Variants in NFIB observed in about 807,000 individuals in gnomAD.
NFIB encodes the protein nuclear factor 1 B-type.
Under a neutral mutation model 61.5 loss-of-function variants are expected in NFIB, and 11 were observed. That is an observed-to-expected ratio of 0.18 (90% CI 0.11 to 0.30). NFIB has a LOEUF of 0.30. NFIB is among the 10% of genes least tolerant of loss of function. The pLI, the probability that NFIB is intolerant of heterozygous loss-of-function variation, is 1.00. For missense variants in NFIB, 471 were observed against 608.9 expected (o/e 0.77, Z 2.38); for synonymous variants, 260 against 216.5 (o/e 1.20, Z -1.76).
chr9:14,294,134 T>A lies in NFIB; in HGVS notation c.562+12855A>T, dbSNP rs1176152718. ...GTTAGTACTAAGAAGTCATTCCAAA[T>A]GTTCCAAAAGGGATTAATGTAGTAT... On this transcript the variant is annotated intron_variant, in intron 2 of 10. Coordinates refer to ENST00000380953, the MANE Select transcript of NFIB (RefSeq NM_001190737.2). Among the ~76,000 whole-genome samples, 4 of 152,346 alleles carry A rather than the reference T, an allele frequency of 2.6e-5. No homozygotes were observed. The East Asian group carries it at 7.7e-4, about 29-fold the overall frequency.
the NFIB span, among the ~76,000 whole-genome samples, chr9:14,458,898 C>T: frequency 6.6e-6 from 1 of 151,796 alleles, no homozygotes. Context: ...ATATTCCATG[C>T]TCATGGATAG....
At chr9:14,434,115 A>C in the NFIB span, among the ~76,000 whole-genome samples, 1 of 152,242 alleles carries the variant, frequency 6.6e-6, no homozygotes, top group African/African-American at 2.4e-5. Flanking sequence ...CATTTTCTTA[A>C]TATTTGGAAA....
chr9:14,458,833 G>A, the NFIB span, among the ~76,000 whole-genome samples: 4 of 151,856 alleles, frequency 2.6e-5, no homozygotes, highest in South Asian at 8.4e-4. Flanking sequence ...CCTCTTCAAG[G>A]AGAACTACAA....
intron 2 of NFIB, among the ~76,000 whole-genome samples, chr9:14,270,288 C>T (rs1272819040): frequency 6.6e-6 from 1 of 152,056 alleles, no homozygotes; most frequent in Non-Finnish European, 1.5e-5. Flanking sequence ...TTCTTATTTA[C>T]CTGTGTTTTT....
intron 2 of NFIB, among the ~76,000 whole-genome samples, chr9:14,237,553 A>C (rs951145047): frequency 6.6e-6 from 1 of 152,148 alleles, no homozygotes; most frequent in Admixed American, 6.6e-5. Context: ...ATTACTACTC[A>C]TTATTAATCA....
At chr9:14,263,156 C>T (rs911797901) in intron 2 of NFIB, among the ~76,000 whole-genome samples, 3 of 152,010 alleles carry the variant, frequency 2.0e-5, no homozygotes, top group African/African-American at 7.3e-5. Flanking sequence ...TTGTCTTAAC[C>T]TATAACATGA....
At chr9:14,211,398 T>A (rs925867440) in intron 2 of NFIB, among the ~76,000 whole-genome samples, 1 of 152,160 alleles carries the variant, frequency 6.6e-6, no homozygotes, top group African/African-American at 2.4e-5. Flanking sequence ...AAACAGGATA[T>A]AGGGAATACA....
intron 1 of NFIB, among the ~76,000 whole-genome samples, chr9:14,380,271 C>T (rs984511164): frequency 6.6e-6 from 1 of 152,130 alleles, no homozygotes; most frequent in African/African-American, 2.4e-5. Context: ...CAAGGGAAAG[C>T]CAGTTCAACC....
At chr9:14,441,366 T>G in the NFIB span, among the ~76,000 whole-genome samples, 1 of 152,180 alleles carries the variant, frequency 6.6e-6, no homozygotes, top group South Asian at 2.1e-4. Context: ...TGCGCCGATT[T>G]TAATTGCATT....
chr9:14,250,900 C>T (rs2055532908), intron 2 of NFIB, among the ~76,000 whole-genome samples: 1 of 152,166 alleles, frequency 6.6e-6, no homozygotes, highest in South Asian at 2.1e-4. Context: ...CTCCTTTCTT[C>T]TAGAATACTC....
chr9:14,164,667 A>G (rs1482938482), intron 3 of NFIB, among the ~76,000 whole-genome samples: 2 of 152,166 alleles, frequency 1.3e-5, no homozygotes, highest in Non-Finnish European at 2.9e-5. Context: ...CAACTTTGAA[A>G]ACTTAAATGG....
Position 14,081,934 on chromosome 9 carries a change from T to C in NFIB, c.*6375A>G, listed in dbSNP as rs1286770459. 5.0e-6 allele frequency: 1 copy of C among 201,588 alleles called. No homozygotes were observed. The highest frequency in any genetic ancestry group is 7.6e-5 in the East Asian group (1 of 13,126). 12.5% of individuals were successfully genotyped at this position (201,588 alleles called of 1,614,324 possible). On this transcript the variant is annotated 3_prime_UTR_variant, in exon 11 of 11. Coordinates refer to ENST00000380953, the MANE Select transcript of NFIB (RefSeq NM_001190737.2). The stretch of plus-strand genomic sequence containing the variant: ...AGTAATTGACTGCAGTATGAGCAGC[T>C]GCTAGCAGTATAGGCTGGATATAAC...
the NFIB span, among the ~76,000 whole-genome samples, chr9:14,425,565 G>A: frequency 3.4e-5 from 5 of 148,876 alleles, no homozygotes; most frequent in Admixed American, 2.7e-4. Flanking sequence ...TTCTCTGCAT[G>A]TATGAATTTT....
intron 10 of NFIB, among the ~76,000 whole-genome samples, chr9:14,111,641 A>G (rs966179099): frequency 1.3e-5 from 2 of 152,140 alleles, no homozygotes; most frequent in Non-Finnish European, 2.9e-5. Context: ...AGTAATTATA[A>G]CTCATTTCGT....
intron 3 of NFIB, among the ~76,000 whole-genome samples, chr9:14,167,605 A>G (rs774374328): frequency 2.0e-5 from 3 of 152,216 alleles, no homozygotes; most frequent in Admixed American, 6.5e-5. Context: ...AACTTATTGT[A>G]TGCTATTATA....
At chr9:14,496,742 CCCTCT>C in the NFIB span, among the ~76,000 whole-genome samples, 5 of 152,190 alleles carry the variant, frequency 3.3e-5, no homozygotes, top group African/African-American at 1.2e-4. Flanking sequence ...TTAGGACTTC[CCCTCT>C]CAGAGCCAGA....
chr9:14,158,564 C>A (rs893326582), intron 3 of NFIB, among the ~76,000 whole-genome samples: 1 of 152,192 alleles, frequency 6.6e-6, no homozygotes, highest in Non-Finnish European at 1.5e-5. Context: ...ATGACTAACT[C>A]GTTGCCTATA....
the NFIB span, among the ~76,000 whole-genome samples, chr9:14,476,246 G>GTTT: frequency 7.8e-6 from 1 of 127,456 alleles, no homozygotes; most frequent in Non-Finnish European, 1.7e-5. Context: ...TAAGCTTTTT[G>GTTT]TTTTTTTTTT....
chr9:14,106,110 G>T (rs2036514777), intron 10 of NFIB, among the ~76,000 whole-genome samples: 1 of 151,950 alleles, frequency 6.6e-6, no homozygotes, highest in Admixed American at 6.6e-5. Context: ...TTAAGAAATA[G>T]GAAATTGCTT....
Sources: allele counts gnomAD v4.1 joint callset (sites outside exome capture counted in the v4.1 genomes callset), GRCh38; gene constraint gnomAD v4.1.1; transcripts MANE v1.5; gene names NCBI Gene and HGNC (gene_info 2026-07-23, HGNC 2026-07-21).